NCKAP5: variants seen among roughly 807,000 people sequenced by gnomAD.
NCKAP5 encodes NCK associated protein 5, also known as nck-associated protein 5.
A neutral mutation model predicts 167.0 loss-of-function variants in NCKAP5; 92 were observed. The ratio of observed to expected loss-of-function variants is 0.55; its 90% CI spans 0.47 to 0.66. The LOEUF is 0.66. NCKAP5 is among the 30% of genes least tolerant of loss of function. The pLI is 0.00. For synonymous variants in NCKAP5, 891 were observed against 877.4 expected, an observed-to-expected ratio of 1.02 and a Z score of -0.27; for missense variants, 2,378 against 2,315.0, an observed-to-expected ratio of 1.03 and a Z score of -0.56.
At chr2:133,605,555 G>C in the NCKAP5 span, among the ~76,000 whole-genome samples, 1 of 152,188 alleles carries the variant, frequency 6.6e-6, no homozygotes, top group South Asian at 2.1e-4. Context: ...TGGTAGAATA[G>C]CTTGAAACCA....
chr2:132,690,241 A>G (rs951851190), intron 19 of NCKAP5, among the ~76,000 whole-genome samples: 4 of 152,134 alleles, frequency 2.6e-5, no homozygotes, highest in Admixed American at 2.6e-4. Context: ...TGAGAGATAA[A>G]TTGGTGTGTC....
chr2:133,595,273 C>T, the NCKAP5 span, among the ~76,000 whole-genome samples: 1 of 151,928 alleles, frequency 6.6e-6, no homozygotes, highest in Non-Finnish European at 1.5e-5. Context: ...TTAGGTGGGG[C>T]GTATATAACC....
At chr2:133,638,216 A>G in the NCKAP5 span, among the ~76,000 whole-genome samples, 1 of 152,240 alleles carries the variant, frequency 6.6e-6, no homozygotes, top group Non-Finnish European at 1.5e-5. Context: ...ATTGGTAAGC[A>G]AAGAAACTTT....
intron 5 of NCKAP5, among the ~76,000 whole-genome samples, chr2:133,158,966 C>T (rs756282617): frequency 6.6e-5 from 10 of 151,752 alleles, no homozygotes; most frequent in Non-Finnish European, 1.5e-4. Flanking sequence ...GTTGTCCACA[C>T]CCTAATCCCT....
At chr2:133,470,978 C>T (rs1463039800) in intron 3 of NCKAP5, among the ~76,000 whole-genome samples, 3 of 152,244 alleles carry the variant, frequency 2.0e-5, no homozygotes, top group Non-Finnish European at 2.9e-5. Flanking sequence ...TCTTCTGCAT[C>T]GCTCACGCTG....
chr2:133,673,345 C>T, the NCKAP5 span, among the ~76,000 whole-genome samples: 1 of 152,198 alleles, frequency 6.6e-6, no homozygotes, highest in Non-Finnish European at 1.5e-5. Flanking sequence ...CAGCACACCA[C>T]ATATATAACC....
At chr2:133,014,646 A>G (rs1315796352) in intron 6 of NCKAP5, among the ~76,000 whole-genome samples, 1 of 152,218 alleles carries the variant, frequency 6.6e-6, no homozygotes, top group African/African-American at 2.4e-5. Flanking sequence ...TGTAATCCAA[A>G]CTAAAACTTA....
At chr2:133,249,925 T>C (rs569006131) in intron 4 of NCKAP5, among the ~76,000 whole-genome samples, 66 of 151,650 alleles carry the variant, frequency 4.4e-4, no homozygotes, top group Admixed American at 1.1e-3. Flanking sequence ...AATGTGCTTC[T>C]GAAGCAACGT....
intron 6 of NCKAP5, among the ~76,000 whole-genome samples, chr2:133,100,352 C>G (rs2081471003): frequency 6.6e-6 from 1 of 152,174 alleles, no homozygotes; most frequent in South Asian, 2.1e-4. Flanking sequence ...TACTCTGCAT[C>G]AAATATTTTA....
the NCKAP5 span, among the ~76,000 whole-genome samples, chr2:133,674,526 T>A: frequency 8.5e-3 from 1,295 of 152,154 alleles, 21 homozygotes; most frequent in African/African-American, 0.03. Context: ...TGTGATCCCT[T>A]CATGTCCTCC....
intron 8 of NCKAP5, among the ~76,000 whole-genome samples, chr2:132,887,946 C>T (rs1057446968): frequency 7.2e-5 from 11 of 152,154 alleles, no homozygotes; most frequent in African/African-American, 2.4e-4. Flanking sequence ...ACTAGTCTTC[C>T]TGCATTTGCT....
At chr2:133,373,226 T>G (rs569519406) in intron 3 of NCKAP5, among the ~76,000 whole-genome samples, 3 of 152,068 alleles carry the variant, frequency 2.0e-5, no homozygotes, top group Non-Finnish European at 4.4e-5. Context: ...GCCTGGCTAA[T>G]TTTTGTATTT....
chr2:133,330,561 T>C (rs1682786700), intron 3 of NCKAP5, among the ~76,000 whole-genome samples: 1 of 152,106 alleles, frequency 6.6e-6, no homozygotes, highest in African/African-American at 2.4e-5. Context: ...ATTTGATATG[T>C]AACTTTCTGC....
At chr2:133,082,863 A>G (rs139857474) in intron 6 of NCKAP5, among the ~76,000 whole-genome samples, 3 of 152,138 alleles carry the variant, frequency 2.0e-5, no homozygotes, top group African/African-American at 7.2e-5. Flanking sequence ...GCCATTATGG[A>G]TTACAGTTTT....
At chr2:133,410,315 A>G (rs1033005604) in intron 3 of NCKAP5, among the ~76,000 whole-genome samples, 1 of 152,242 alleles carries the variant, frequency 6.6e-6, no homozygotes, top group African/African-American at 2.4e-5. Flanking sequence ...GCTGATGTCA[A>G]TGAAATTCAT....
chr2:132,832,226 G>A (rs1433521327), intron 11 of NCKAP5, among the ~76,000 whole-genome samples: 6 of 152,008 alleles, frequency 3.9e-5, no homozygotes, highest in African/African-American at 1.2e-4. Context: ...GTCTTCCCAT[G>A]CATGGACATT....
chr2:133,248,280 C>T (rs1159677465), intron 4 of NCKAP5, among the ~76,000 whole-genome samples: 2 of 152,218 alleles, frequency 1.3e-5, no homozygotes, highest in African/African-American at 2.4e-5. Flanking sequence ...CTACACCCCA[C>T]GCCACAGAAG....
intron 2 of NCKAP5, 122 bp downstream of exon 2, chr2:133,558,928 G>A (rs1047854484): frequency 1.3e-5 from 2 of 151,950 alleles, no homozygotes; most frequent in African/African-American, 4.8e-5. Context: ...CTCTCTCATT[G>A]CCCTAAGACA....
At chr2:133,042,026 G>C (rs1039031965) in intron 6 of NCKAP5, among the ~76,000 whole-genome samples, 1 of 151,956 alleles carries the variant, frequency 6.6e-6, no homozygotes, top group African/African-American at 2.4e-5. Context: ...GCATATCATT[G>C]ATTTGTCCTA....
Sources: allele counts gnomAD v4.1 joint callset (sites outside exome capture counted in the v4.1 genomes callset), GRCh38; gene constraint gnomAD v4.1.1; transcripts MANE v1.5; gene names NCBI Gene and HGNC (gene_info 2026-07-23, HGNC 2026-07-21).